LRRK2: variants seen among roughly 807,000 people sequenced by gnomAD.
LRRK2 encodes the protein leucine-rich repeat serine/threonine-protein kinase 2.
In LRRK2, 203 loss-of-function variants were observed where a neutral mutation model predicts 302.6. The ratio of observed to expected loss-of-function variants is 0.67; its 90% CI spans 0.60 to 0.75. LRRK2 has a LOEUF of 0.75. Ranked by LOEUF, LRRK2 falls within the 30% of genes least tolerant of loss-of-function variation. The pLI, the probability that LRRK2 is intolerant of heterozygous loss-of-function variation, is 0.00. For missense variants in LRRK2, 2,830 were observed against 2,951.0 expected, an observed-to-expected ratio of 0.96 and a Z score of 0.95; for synonymous variants, 1,066 against 1,031.9, an observed-to-expected ratio of 1.03 and a Z score of -0.63.
intron 3 of LRRK2, among the ~76,000 whole-genome samples, 158 bp from the exon 4 acceptor site, chr12:40,235,468 C>T (rs770160036): frequency 1.2e-4 from 18 of 152,034 alleles, no homozygotes; most frequent in South Asian, 4.1e-4. Flanking sequence ...ACAGCAAGAC[C>T]CTGTCTCTAA....
At position 40,310,514 on chromosome 12, in the gene LRRK2, T is replaced by C. The variant is rs370239119; in HGVS notation, c.4401T>C (p.Ser1467=). The change falls in exon 31 of 51, where the codon AGT becomes AGC. Residue 1467 remains serine (S), a synonymous_variant. Transcript: ENST00000298910. The part of the protein sequence containing the change: ...SDEKQRKACM[S]KITKELLNKR... ...AGAAGCAACGCAAAGCCTGCATGAG[T>C]AAAATCACCAAGGAACTCCTGAATA... The C allele has an allele frequency of 1.2e-5, 20 of 1,612,492 alleles. No homozygotes were observed. Among genetic ancestry groups the C allele is most frequent in the Non-Finnish European group, 1.6e-5 (19 of 1,179,654 alleles).
chr12:40,368,415 T>A lies in LRRK2; in HGVS notation c.*650T>A, dbSNP rs1279141289. On this transcript the variant is annotated 3_prime_UTR_variant, in exon 51 of 51. Coordinates refer to ENST00000298910, the MANE Select transcript of LRRK2 (RefSeq NM_198578.4). ...ACATGACATACTGTCAAAGTCCTCA[T>A]ATCTAGGAAAGACACAGAAACTCTC... 6.6e-6 allele frequency: 1 copy of A among 151,872 alleles called. No homozygotes were observed. The highest frequency in any genetic ancestry group is 2.4e-5 in the African/African-American group (1 of 41,426). The allele number at this position is 151,872 out of a possible 1,614,324, so 9.4% of individuals were successfully genotyped here.
At chr12:40,333,286 C>T (rs1054906153) in intron 39 of LRRK2, among the ~76,000 whole-genome samples, 3 of 152,108 alleles carry the variant, frequency 2.0e-5, no homozygotes, top group Non-Finnish European at 2.9e-5. Context: ...GGTGTTCAGC[C>T]TTTCTTCTTC....
At chr12:40,262,059 G>A (rs1015199691) in intron 13 of LRRK2, among the ~76,000 whole-genome samples, 2 of 152,038 alleles carry the variant, frequency 1.3e-5, no homozygotes. Flanking sequence ...TCTTTAAGAA[G>A]GGATATAGGC....
Position 40,322,209 on chromosome 12 carries a change from A to G in LRRK2, c.5317+28A>G, listed in dbSNP as rs755142483. Reference sequence around the variant, plus strand: ...AAGGAAATCAATTTGAATGTTTTCAATTGCAACACTAAAGAAATTTAAACT... The same window carrying G: ...AAGGAAATCAATTTGAATGTTTTCAGTTGCAACACTAAAGAAATTTAAACT... On this transcript the variant is annotated intron_variant, in intron 36 of 50. Transcript: ENST00000298910. The G allele has an allele frequency of 5.0e-6, 8 of 1,592,538 alleles. No homozygotes were observed. The East Asian group carries it at 8.9e-5, about 18-fold the overall frequency.
intron 38 of LRRK2, among the ~76,000 whole-genome samples, chr12:40,326,477 GAAAAAAAAA>G (rs561546782): frequency 1.7e-5 from 2 of 116,932 alleles, no homozygotes; most frequent in Non-Finnish European, 1.9e-5. Flanking sequence ...AAAAAAAAAA[GAAAAAAAAA>G]AAGAAAAAAA....
At position 40,287,573 on chromosome 12, in the gene LRRK2, A is replaced by G. The variant is rs372129412; in HGVS notation, c.2689+34A>G. 6 of 1,594,916 alleles carry G rather than the reference A, an allele frequency of 3.8e-6. No individual in the cohort carries two copies. The African/African-American group carries it at 6.7e-5, about 18-fold the overall frequency. On this transcript the variant is annotated intron_variant, in intron 20 of 50. Coordinates refer to ENST00000298910, the MANE Select transcript of LRRK2 (RefSeq NM_198578.4). Reference sequence around the variant, plus strand: ...TATAAAAAAAAACCCTTTATGCTTTATATTTACACACTGACATTGAACAAT... The same window carrying G: ...TATAAAAAAAAACCCTTTATGCTTTGTATTTACACACTGACATTGAACAAT...
intron 29 of LRRK2, 104 bp downstream of exon 29, chr12:40,308,800 G>A: frequency 9.1e-7 from 1 of 1,094,618 alleles, no homozygotes. Context: ...CTGGTAGACT[G>A]TATGGAATTA....
rs1592321562 is a variant in LRRK2 at position 40,348,310 on chromosome 12, T to C, written c.6281-99T>C. On this transcript the variant is annotated intron_variant, in intron 42 of 50. Transcript: ENST00000298910. ...TAAATATAGGATTATGGAGATAATA[T>C]TTTTCTTTGCAATGTCTGGACCTTT... 1.6e-5 allele frequency: 13 copies of C among 806,158 alleles called. No individual in the cohort carries two copies. The East Asian group carries it at 3.4e-4, about 21-fold the overall frequency. 49.9% of individuals were successfully genotyped at this position (806,158 alleles called of 1,614,324 possible).
In LRRK2 at chr12:40,229,976, T is replaced by C. The variant is rs1941098011; in HGVS notation, c.238-2298T>C. ...GTGACTTTTTTTTTTTTTTTTTTTT[T>C]TTTTTTTACCACCAGAAGCTGTTCA... On this transcript the variant is annotated intron_variant, in intron 2 of 50. Coordinates refer to ENST00000298910, the MANE Select transcript of LRRK2 (RefSeq NM_198578.4). Among the ~76,000 whole-genome samples the C allele has an allele frequency of 2.1e-5, 3 of 140,682 alleles. No individual in the cohort carries two copies. In the South Asian group the frequency reaches 6.8e-4, roughly 32 times the overall value. 92.3% of individuals were successfully genotyped at this position (140,682 alleles called of 152,430 possible). A position where few individuals can be genotyped will look rare whatever the true frequency, so the allele number is the denominator to read the frequency against.
rs1269027305 is a variant in LRRK2, at chr12:40,328,262, T to C, written c.5657-98T>C. On this transcript the variant is annotated intron_variant, in intron 38 of 50. Coordinates refer to ENST00000298910, the MANE Select transcript of LRRK2 (RefSeq NM_198578.4). ...TGAAACAAGTAGGTCAGGTTTCTATTCAAATTTACAACAGATATAATTACA... is the reference window on the plus strand; with the variant it reads ...TGAAACAAGTAGGTCAGGTTTCTATCCAAATTTACAACAGATATAATTACA... 7 of 918,910 alleles carry C rather than the reference T, an allele frequency of 7.6e-6. No homozygotes were observed. The Admixed American group carries it at 9.7e-5, about 13-fold the overall frequency. 56.9% of individuals were successfully genotyped at this position (918,910 alleles called of 1,614,324 possible).
Position 40,356,126 on chromosome 12 carries a change from A to G in LRRK2, c.6782A>G (p.Asn2261Ser). ...NSFSKQSKQKNFLLVGTADGK... is the reference protein window; with the variant it reads ...NSFSKQSKQKSFLLVGTADGK... The stretch of plus-strand genomic sequence containing the variant: ...ATTTTTCCTTTTAGCAAACAAAAAA[A>G]TTTTCTTTTGGTTGGAACCGCTGAT... The change falls in exon 46 of 51, where the codon AAT becomes AGT. Residue 2261 changes from asparagine (N) to serine (S), a missense_variant. Asn to Ser is a conservative substitution (Grantham distance 46). Around this residue, in one of 3 missense-constraint regions of LRRK2, gnomAD observed 456 missense variants for 456.3 expected, o/e 1.00. Transcript: ENST00000298910. 1 of 1,611,118 alleles carries G rather than the reference A, an allele frequency of 6.2e-7. No individual in the cohort carries two copies. Among genetic ancestry groups the G allele is most frequent in the Non-Finnish European group, 8.5e-7 (1 of 1,178,482 alleles).
intron 10 of LRRK2, 51 bp downstream of exon 10, chr12:40,251,595 C>A (rs1942277448): frequency 1.4e-6 from 2 of 1,395,686 alleles, no homozygotes; most frequent in Non-Finnish European, 2.0e-6. Context: ...TATTTTAAAT[C>A]AATACCTATA....
At position 40,225,008 on chromosome 12, in the gene LRRK2, G is replaced by C. The variant is rs112643657; in HGVS notation, c.-124G>C. ...GCGTGGGCGCCGATGGGGCCCGCGGGGAGCGCTGGCTGCGGGCGGTGAGCT... is the reference window on the plus strand; with the variant it reads ...GCGTGGGCGCCGATGGGGCCCGCGGCGAGCGCTGGCTGCGGGCGGTGAGCT... On this transcript the variant is annotated 5_prime_UTR_variant, in exon 1 of 51. Coordinates refer to ENST00000298910, the MANE Select transcript of LRRK2 (RefSeq NM_198578.4). 8.1e-3 allele frequency: 10,564 copies of C among 1,301,500 alleles called. 652 individuals carry two copies. The African/African-American group carries it at 0.13, about 16-fold the overall frequency. 80.6% of individuals were successfully genotyped at this position (1,301,500 alleles called of 1,614,324 possible).
rs1943822753 is a variant in LRRK2 at position 40,284,205 on chromosome 12, G to A, written c.2500+72G>A. The A allele has an allele frequency of 2.2e-6, 3 of 1,384,184 alleles. No homozygotes were observed. In the African/African-American group the frequency reaches 4.4e-5, roughly 20 times the overall value. The allele number at this position is 1,384,184 out of a possible 1,614,324, so 85.7% of individuals were successfully genotyped here. On this transcript the variant is annotated intron_variant, in intron 19 of 50. Coordinates refer to ENST00000298910, the MANE Select transcript of LRRK2 (RefSeq NM_198578.4). The stretch of plus-strand genomic sequence containing the variant: ...ATTTTTTTAAGTCACTAGTCTTTTA[G>A]TGGTTATTCATGCCAGTTTGAGGGA...
intron 2 of LRRK2, among the ~76,000 whole-genome samples, chr12:40,231,540 C>T (rs777747082): frequency 1.3e-4 from 16 of 122,574 alleles, no homozygotes; most frequent in Non-Finnish European, 2.4e-4. Flanking sequence ...GCCTGGGTGA[C>T]AGAGTGAGAC....
At chr12:40,267,774 T>A (rs1018217948) in intron 14 of LRRK2, among the ~76,000 whole-genome samples, 6 of 152,158 alleles carry the variant, frequency 3.9e-5, no homozygotes, top group African/African-American at 1.4e-4. Context: ...TTCATCATGG[T>A]TGAGGAAAAT....
At chr12:40,327,609 G>A (rs545519201) in intron 38 of LRRK2, among the ~76,000 whole-genome samples, 3 of 152,110 alleles carry the variant, frequency 2.0e-5, no homozygotes, top group Non-Finnish European at 4.4e-5. Flanking sequence ...TAGGCAACGC[G>A]GAATAATTTG....
At chr12:40,301,816 G>A (rs1944637744) in intron 25 of LRRK2, among the ~76,000 whole-genome samples, 1 of 152,112 alleles carries the variant, frequency 6.6e-6, no homozygotes, top group Non-Finnish European at 1.5e-5. Context: ...GTGATTTTCT[G>A]TTTCCCAAAT....
Sources: gnomAD v4.1 joint callset for allele counts (sites outside exome capture counted in the v4.1 genomes callset) on GRCh38, gnomAD v4.1.1 for gene constraint, gnomAD v4.1.1 regional missense constraint, MANE v1.5 for transcripts, NCBI Gene and HGNC (gene_info 2026-07-23, HGNC 2026-07-21) for gene names.